The following MICAL2 variants were observed in gnomAD, a reference collection of about 807,000 sequenced individuals.
MICAL2 encodes [F-actin]-monooxygenase MICAL2.
In MICAL2, 77 loss-of-function variants were observed where a neutral mutation model predicts 127.3. That is an observed-to-expected ratio of 0.60 (90% confidence interval 0.50 to 0.73). MICAL2 has a LOEUF of 0.73. MICAL2 is among the 30% of genes least tolerant of loss of function. MICAL2 has a pLI of 0.00. For synonymous variants in MICAL2, 570 were observed against 551.1 expected, an observed-to-expected ratio of 1.03 and a Z score of -0.48; for missense variants, 1,351 against 1,434.4, an observed-to-expected ratio of 0.94 and a Z score of 0.94.
chr11:12,180,335 G>GTGTATATA (rs140219557), intron 3 of MICAL2, among the ~76,000 whole-genome samples: 217 of 126,406 alleles, frequency 1.7e-3, no homozygotes, highest in Middle Eastern at 0.011. Flanking sequence ...TTATATACAT[G>GTGTATATA]TATATATGTA....
intron 29 of MICAL2, among the ~76,000 whole-genome samples, chr11:12,310,421 AT>A (rs1864160237): frequency 6.6e-6 from 1 of 152,144 alleles, no homozygotes; most frequent in Non-Finnish European, 1.5e-5. Flanking sequence ...AGCACTATTT[AT>A]TTAAGAAACT....
intron 1 of MICAL2, among the ~76,000 whole-genome samples, chr11:12,136,385 G>A (rs1428596574): frequency 6.6e-6 from 1 of 152,152 alleles, no homozygotes; most frequent in Non-Finnish European, 1.5e-5. Context: ...TTCCCCCTCT[G>A]TAATGATACC....
chr11:12,233,246 G>A (rs1858546847), intron 15 of MICAL2, among the ~76,000 whole-genome samples: 2 of 152,190 alleles, frequency 1.3e-5, no homozygotes, highest in African/African-American at 2.4e-5. Context: ...TATAGTTAAG[G>A]AAACTGAAGT....
intron 21 of MICAL2, among the ~76,000 whole-genome samples, chr11:12,246,260 C>T (rs1158331260): frequency 6.6e-6 from 1 of 152,266 alleles, no homozygotes; most frequent in Non-Finnish European, 1.5e-5. Context: ...CAGCATCACA[C>T]CGGCTGAGGC....
chr11:12,253,371 C>T (rs1264772407), intron 22 of MICAL2: 1 of 152,254 alleles, frequency 6.6e-6, no homozygotes, highest in African/African-American at 2.4e-5. Flanking sequence ...TCCTGTCCTA[C>T]CTGCCCAGTG....
Position 12,343,888 on chromosome 11 carries a change from C to T in MICAL2, c.5516-5950C>T, listed in dbSNP as rs76629379. ...ATCTAGAAGGGACTGAATCTAGATACGTGGAAAAAATGAGAGAGCTGTAAG... is the reference window on the plus strand; with the variant it reads ...ATCTAGAAGGGACTGAATCTAGATATGTGGAAAAAATGAGAGAGCTGTAAG... On this transcript the variant is annotated intron_variant, in intron 32 of 34. Transcript: ENST00000646065. Among the ~76,000 whole-genome samples, 12 of 152,090 alleles carry T rather than the reference C, an allele frequency of 7.9e-5. No individual in the cohort carries two copies. In the East Asian group the frequency reaches 1.5e-3, roughly 20 times the overall value.
chr11:12,335,801 C>G (rs1474297449), intron 32 of MICAL2, among the ~76,000 whole-genome samples: 3 of 152,128 alleles, frequency 2.0e-5, no homozygotes, highest in Non-Finnish European at 2.9e-5. Context: ...CTGTTCTGTT[C>G]CATTGGTCTG....
intron 32 of MICAL2, among the ~76,000 whole-genome samples, chr11:12,347,207 C>T (rs1938969135): frequency 6.6e-6 from 1 of 152,190 alleles, no homozygotes; most frequent in African/African-American, 2.4e-5. Flanking sequence ...TCTTCCACCC[C>T]AGTCCCTCAG....
intron 13 of MICAL2, 54 bp from the exon 14 acceptor site, chr11:12,226,117 G>A (rs1025605097): frequency 3.4e-5 from 53 of 1,579,954 alleles, no homozygotes; most frequent in Non-Finnish European, 4.2e-5. Flanking sequence ...TGCTCAGCTC[G>A]CCACACCTCT....
At chr11:12,124,585 C>T (rs73412266) in intron 1 of MICAL2, among the ~76,000 whole-genome samples, 4 of 152,196 alleles carry the variant, frequency 2.6e-5, no homozygotes, top group East Asian at 1.9e-4. Context: ...GAACGTTTTC[C>T]GTGCTCTGGG....
chr11:12,264,229 G>A (rs911570988), downstream of MICAL2, among the ~76,000 whole-genome samples: 1 of 152,202 alleles, frequency 6.6e-6, no homozygotes, highest in Non-Finnish European at 1.5e-5. Flanking sequence ...CTGGTGCACA[G>A]CTGAGTGGCA....
In MICAL2 at chr11:12,232,416, C is replaced by T. The variant is rs570694583; in HGVS notation, c.1996-3761C>T. Among the ~76,000 whole-genome samples the T allele has an allele frequency of 3.9e-5, 6 of 152,286 alleles. No homozygotes were observed. In the South Asian group the frequency reaches 1.2e-3, roughly 32 times the overall value. ...GTAAATGTCAAAGCCAGAAGTAGAACTCAGATGTTTAAAATTCTGTTACTC... is the reference window on the plus strand; with the variant it reads ...GTAAATGTCAAAGCCAGAAGTAGAATTCAGATGTTTAAAATTCTGTTACTC... On this transcript the variant is annotated intron_variant, in intron 15 of 27. Transcript: ENST00000683283.
At chr11:12,272,822 C>T (rs1322402036), upstream of MICAL2, among the ~76,000 whole-genome samples, 1 of 150,038 alleles carries the variant, frequency 6.7e-6, no homozygotes, top group Non-Finnish European at 1.5e-5. Flanking sequence ...CCACCTGCGA[C>T]AAGTTCTTTT....
intron 32 of MICAL2, among the ~76,000 whole-genome samples, chr11:12,340,721 C>T (rs1273981863): frequency 6.6e-6 from 1 of 152,148 alleles, no homozygotes; most frequent in African/African-American, 2.4e-5. Flanking sequence ...GAATCAGTCA[C>T]ATGGATGCAT....
At chr11:12,143,505 C>T (rs11022198) in intron 2 of MICAL2, among the ~76,000 whole-genome samples, 2 of 152,224 alleles carry the variant, frequency 1.3e-5, no homozygotes, top group African/African-American at 4.8e-5. Context: ...AAAGGAACTT[C>T]TGCTGGGGGC....
intron 12 of MICAL2, 57 bp downstream of exon 12, chr11:12,223,558 G>A: frequency 6.8e-7 from 1 of 1,472,082 alleles, no homozygotes; most frequent in Non-Finnish European, 9.5e-7. Flanking sequence ...GAGGGGAGGA[G>A]GACTGCTCAG....
Position 12,132,608 on chromosome 11 carries a change from G to A in MICAL2, c.-148-5782G>A, listed in dbSNP as rs571200120. Among the ~76,000 whole-genome samples the A allele has an allele frequency of 1.8e-4, 27 of 152,336 alleles. No individual in the cohort carries two copies. The South Asian group carries it at 2.3e-3, about 13-fold the overall frequency. The stretch of plus-strand genomic sequence containing the variant: ...AATAGCCATTAGCTGCCAGCTGGGC[G>A]CTGGGCGGTGTGGCATTATGAAGCC... On this transcript the variant is annotated intron_variant, in intron 1 of 27. Coordinates refer to ENST00000683283, the MANE Select transcript of MICAL2 (RefSeq NM_001282663.2).
chr11:12,238,414 C>A (rs1174326052), intron 16 of MICAL2, among the ~76,000 whole-genome samples: 6 of 152,204 alleles, frequency 3.9e-5, no homozygotes, highest in African/African-American at 1.4e-4. Context: ...GTCTACATCA[C>A]CACTTATAAG....
chr11:12,155,059 T>C (rs549036684), intron 2 of MICAL2, among the ~76,000 whole-genome samples: 102 of 152,242 alleles, frequency 6.7e-4, no homozygotes, highest in African/African-American at 2.3e-3. Flanking sequence ...TGGTACACTG[T>C]GAGTGCCCGC....
Sources: gnomAD v4.1 joint callset for allele counts (sites outside exome capture counted in the v4.1 genomes callset) on GRCh38, gnomAD v4.1.1 for gene constraint, MANE v1.5 for transcripts, NCBI Gene and HGNC (gene_info 2026-07-23, HGNC 2026-07-21) for gene names.